The following CEP126 variants were observed in gnomAD, a reference collection of about 807,000 sequenced individuals.
The protein encoded by CEP126 is centrosomal protein 126.
CEP126 carries 74 observed loss-of-function variants against 107.8 expected under a neutral mutation model. The ratio of observed to expected loss-of-function variants is 0.69; its 90% CI spans 0.57 to 0.83. The LOEUF is 0.83. CEP126 is among the 40% of genes least tolerant of loss of function. CEP126 has a pLI of 0.00. For synonymous variants in CEP126, 449 were observed against 446.0 expected, an observed-to-expected ratio of 1.01 and a Z score of -0.08; for missense variants, 1,237 against 1,281.9, an observed-to-expected ratio of 0.96 and a Z score of 0.53.
intron 6 of CEP126, among the ~76,000 whole-genome samples, chr11:101,975,709 G>A (rs566778987): frequency 1.3e-5 from 2 of 152,150 alleles, no homozygotes; most frequent in South Asian, 4.1e-4. Context: ...GTACCTGGTA[G>A]GTAGTTTTCC....
rs774574322 is a variant in CEP126 at position 101,961,896 on chromosome 11, T to C, written c.861T>C (p.Asn287=). The change falls in exon 6 of 11, where the codon AAT becomes AAC. Residue 287 remains asparagine (N), a synonymous_variant. Transcript: ENST00000263468. The stretch of plus-strand genomic sequence containing the variant: ...ATACCATTTCCCTCAAACCAGCAAA[T>C]ATGCAATCAACTAATCTCAGCTGCT... ...QRNTISLKPA[N]MQSTNLSCFD... 2.9e-5 allele frequency: 46 copies of C among 1,613,032 alleles called. No homozygotes were observed. Among genetic ancestry groups the C allele is most frequent in the Non-Finnish European group, 3.8e-5 (45 of 1,179,482 alleles).
At chr11:101,930,765 A>G (rs1236550721) in intron 2 of CEP126, among the ~76,000 whole-genome samples, 1 of 152,172 alleles carries the variant, frequency 6.6e-6, no homozygotes, top group African/African-American at 2.4e-5. Flanking sequence ...AAGTTCTCCA[A>G]GTCCCCACCC....
chr11:101,928,377 G>C (rs769354868), intron 2 of CEP126, among the ~76,000 whole-genome samples: 7 of 152,144 alleles, frequency 4.6e-5, no homozygotes, highest in Non-Finnish European at 1.0e-4. Context: ...ATGAAATTCA[G>C]CTTATTGGTT....
chr11:101,960,259 T>C (rs1306139501), intron 5 of CEP126, among the ~76,000 whole-genome samples: 4 of 152,198 alleles, frequency 2.6e-5, no homozygotes, highest in Non-Finnish European at 4.4e-5. Flanking sequence ...AAAAAAGTAT[T>C]GTTTATGAAA....
intron 9 of CEP126, among the ~76,000 whole-genome samples, chr11:101,987,959 C>G (rs760403198): frequency 6.6e-6 from 1 of 150,396 alleles, no homozygotes; most frequent in Admixed American, 6.7e-5. Context: ...AAATGAGCAG[C>G]CTACAATTAA....
chr11:101,997,803 T>A lies in CEP126; in HGVS notation c.*160T>A. On this transcript the variant is annotated 3_prime_UTR_variant, in exon 11 of 11. Transcript: ENST00000263468. The stretch of plus-strand genomic sequence containing the variant: ...TGAGCAGTGAAGTTTAACAGAGCAG[T>A]GACATTTAACAAAGCAGTGAAGTTT... The A allele has an allele frequency of 1.1e-6, 1 of 917,696 alleles. No individual in the cohort carries two copies. Among genetic ancestry groups the A allele is most frequent in the Non-Finnish European group, 1.7e-6 (1 of 605,296 alleles). 56.8% of individuals were successfully genotyped at this position (917,696 alleles called of 1,614,324 possible).
At chr11:101,996,341 A>G (rs374845975) in intron 10 of CEP126, among the ~76,000 whole-genome samples, 7 of 152,180 alleles carry the variant, frequency 4.6e-5, no homozygotes, top group African/African-American at 1.4e-4. Context: ...CAGTGCTTCA[A>G]ACAGCCTGCT....
Position 101,999,501 on chromosome 11 carries a change from A to C in CEP126, c.*1858A>C, listed in dbSNP as rs1941482575. 1 of 151,770 alleles carries C rather than the reference A, an allele frequency of 6.6e-6. No individual in the cohort carries two copies. The highest frequency in any genetic ancestry group is 2.4e-5 in the African/African-American group (1 of 41,382). The allele number at this position is 151,770 out of a possible 1,614,324, so 9.4% of individuals were successfully genotyped here. The stretch of plus-strand genomic sequence containing the variant: ...GTCAGAATAGGCCAAAAAAAAAAAA[A>C]AAAAAAGCCTAAATAGTAAGCTGGT... On this transcript the variant is annotated 3_prime_UTR_variant, in exon 11 of 11. Transcript: ENST00000263468.
At chr11:101,967,127 C>A (rs1941067500) in intron 6 of CEP126, among the ~76,000 whole-genome samples, 1 of 148,262 alleles carries the variant, frequency 6.7e-6, no homozygotes, top group South Asian at 2.1e-4. Flanking sequence ...CTCCTGGACT[C>A]AAGCAATGCT....
intron 3 of CEP126, among the ~76,000 whole-genome samples, chr11:101,945,347 G>A (rs1940720337): frequency 6.6e-6 from 1 of 152,076 alleles, no homozygotes; most frequent in Non-Finnish European, 1.5e-5. Flanking sequence ...TGAAGCATAG[G>A]ATGGGGAAAA....
intron 4 of CEP126, among the ~76,000 whole-genome samples, chr11:101,949,491 G>A (rs1940782015): frequency 6.6e-6 from 1 of 152,162 alleles, no homozygotes; most frequent in East Asian, 1.9e-4. Flanking sequence ...GTCAACTGTG[G>A]AGAGTATGTG....
intron 2 of CEP126, among the ~76,000 whole-genome samples, chr11:101,943,990 G>A (rs755510055): frequency 1.9e-4 from 29 of 152,228 alleles, no homozygotes; most frequent in African/African-American, 1.2e-4. Context: ...CACAGTTTGC[G>A]AGGTGGGAAT....
At chr11:101,978,232 G>C (rs901334217) in intron 6 of CEP126, 115 bp from the exon 7 acceptor site, 1 of 702,148 alleles carries the variant, frequency 1.4e-6, no homozygotes, top group African/African-American at 1.8e-5. Context: ...CTAACTGAAT[G>C]AATTAAACTT....
At chr11:101,967,923 T>A (rs560479107) in intron 6 of CEP126, among the ~76,000 whole-genome samples, 1 of 152,260 alleles carries the variant, frequency 6.6e-6, no homozygotes, top group African/African-American at 2.4e-5. Flanking sequence ...GTTGCACAAC[T>A]CCAGATAGCA....
intron 6 of CEP126, among the ~76,000 whole-genome samples, chr11:101,975,204 G>T (rs542080973): frequency 6.6e-6 from 1 of 152,108 alleles, no homozygotes; most frequent in Non-Finnish European, 1.5e-5. Flanking sequence ...ATAATACAGT[G>T]CTTTTTAAAC....
chr11:101,956,423 T>C (rs144470054), intron 4 of CEP126: 306 of 456,390 alleles, frequency 6.7e-4, no homozygotes, highest in African/African-American at 5.5e-3. Flanking sequence ...AGTCCAGCAA[T>C]CTGTTCCACA....
chr11:101,957,273 A>C (rs567185112), intron 4 of CEP126, among the ~76,000 whole-genome samples: 49 of 152,294 alleles, frequency 3.2e-4, no homozygotes, highest in African/African-American at 1.1e-3. Context: ...ATTCTCATTA[A>C]AGTGGGAATA....
At chr11:101,955,672 C>T (rs1311011789) in intron 4 of CEP126, 2 of 356,620 alleles carry the variant, frequency 5.6e-6, no homozygotes, top group Non-Finnish European at 1.1e-5. Context: ...ATACATGGAC[C>T]CTATGGACAA....
intron 6 of CEP126, among the ~76,000 whole-genome samples, chr11:101,964,638 A>T (rs1463047378): frequency 7.8e-6 from 1 of 128,750 alleles, no homozygotes; most frequent in Non-Finnish European, 1.6e-5. Flanking sequence ...GACTCTATCT[A>T]AAAAAAAAAA....
Sources: allele counts gnomAD v4.1 joint callset (sites outside exome capture counted in the v4.1 genomes callset), GRCh38; gene constraint gnomAD v4.1.1; transcripts MANE v1.5; gene names NCBI Gene and HGNC (gene_info 2026-07-23, HGNC 2026-07-21).